Variants in MTSS1 observed in about 807,000 individuals in gnomAD.
The protein encoded by MTSS1 is protein MTSS 1.
MTSS1 carries 18 observed loss-of-function variants against 79.0 expected under a neutral mutation model. That is an observed-to-expected ratio of 0.23 (90% CI 0.16 to 0.34). The LOEUF is 0.34. Ranked by LOEUF, MTSS1 falls within the 10% of genes least tolerant of loss-of-function variation. The pLI, the probability that MTSS1 is intolerant of heterozygous loss-of-function variation, is 1.00. For synonymous variants in MTSS1, 341 were observed against 368.6 expected (o/e 0.93, Z 0.86); for missense variants, 815 against 986.2 (o/e 0.83, Z 2.33).
chr8:124,618,138 A>G (rs1812770952), intron 3 of MTSS1, among the ~76,000 whole-genome samples: 1 of 152,164 alleles, frequency 6.6e-6, no homozygotes, highest in Admixed American at 6.5e-5. Flanking sequence ...CACACAGCTA[A>G]CATGCAAGGG....
In MTSS1 at chr8:124,657,428, G is replaced by GT. The variant is rs1475303812; in HGVS notation, c.208+42097dup. 3.4e-5 allele frequency among the ~76,000 whole-genome samples: 5 copies of GT among 147,636 alleles called. No individual in the cohort carries two copies. The East Asian group carries it at 6.0e-4, about 18-fold the overall frequency. ...GAAGCCACAAAACATGGAATGGAAA[G>GT]TTTTTTCCTTTTTTCTCAACACATG... On this transcript the variant is annotated intron_variant, in intron 3 of 13. Coordinates refer to ENST00000518547, the MANE Select transcript of MTSS1 (RefSeq NM_014751.6).
chr8:124,632,198 G>A (rs770885345), intron 3 of MTSS1, among the ~76,000 whole-genome samples: 7 of 147,716 alleles, frequency 4.7e-5, no homozygotes, highest in African/African-American at 7.6e-5. Flanking sequence ...AGGATCCCTT[G>A]AGCTTAGGAG....
At chr8:124,602,060 G>A (rs1322058294) in intron 3 of MTSS1, among the ~76,000 whole-genome samples, 1 of 151,332 alleles carries the variant, frequency 6.6e-6, no homozygotes, top group Non-Finnish European at 1.5e-5. Flanking sequence ...TTTCGACCAG[G>A]TGTGTCCAAT....
chr8:124,583,763 C>T (rs1178110531), intron 6 of MTSS1, among the ~76,000 whole-genome samples: 1 of 152,192 alleles, frequency 6.6e-6, no homozygotes, highest in Non-Finnish European at 1.5e-5. Flanking sequence ...ATGTGGAGTT[C>T]AGCCCCGAAC....
At chr8:124,605,162 T>C (rs1834576368) in intron 3 of MTSS1, among the ~76,000 whole-genome samples, 1 of 152,178 alleles carries the variant, frequency 6.6e-6, no homozygotes, top group African/African-American at 2.4e-5. Flanking sequence ...CTCCCCGACA[T>C]CTGCCACCAT....
intron 3 of MTSS1, among the ~76,000 whole-genome samples, chr8:124,682,956 TTG>T (rs1276685704): frequency 1.3e-5 from 2 of 152,208 alleles, no homozygotes; most frequent in African/African-American, 4.8e-5. Context: ...CATAACCATT[TTG>T]TCTTGCTTTT....
intron 3 of MTSS1, among the ~76,000 whole-genome samples, chr8:124,696,330 T>A (rs1828816012): frequency 6.6e-6 from 1 of 152,194 alleles, no homozygotes; most frequent in African/African-American, 2.4e-5. Flanking sequence ...TCCTATTTTT[T>A]AAATTTTTAA....
chr8:124,609,423 T>C (rs1587244565), intron 3 of MTSS1, among the ~76,000 whole-genome samples: 1 of 151,394 alleles, frequency 6.6e-6, no homozygotes, highest in Non-Finnish European at 1.5e-5. Flanking sequence ...TCAGAAAGAG[T>C]CCCTCGGTTC....
At chr8:124,625,638 GC>G (rs1814513548) in intron 3 of MTSS1, among the ~76,000 whole-genome samples, 1 of 152,188 alleles carries the variant, frequency 6.6e-6, no homozygotes, top group African/African-American at 2.4e-5. Context: ...GAGAGAGAAG[GC>G]CAGTTAAGGC....
chr8:124,720,028 A>G (rs1832681673), intron 1 of MTSS1, among the ~76,000 whole-genome samples: 1 of 152,250 alleles, frequency 6.6e-6, no homozygotes, highest in Non-Finnish European at 1.5e-5. Context: ...TATAATCAAT[A>G]CTAGGTAGAA....
intron 3 of MTSS1, among the ~76,000 whole-genome samples, chr8:124,626,311 C>A (rs1448239709): frequency 6.6e-6 from 1 of 152,150 alleles, no homozygotes; most frequent in Admixed American, 6.5e-5. Flanking sequence ...CAGTCCACCA[C>A]CAGCTTTTCT....
At chr8:124,717,490 G>A (rs973236523) in intron 1 of MTSS1, among the ~76,000 whole-genome samples, 1 of 150,580 alleles carries the variant, frequency 6.6e-6, no homozygotes, top group Non-Finnish European at 1.5e-5. Flanking sequence ...AGATACTCGG[G>A]AGGCTGAGGC....
intron 3 of MTSS1, among the ~76,000 whole-genome samples, chr8:124,624,129 C>T (rs954237674): frequency 1.3e-5 from 2 of 152,214 alleles, no homozygotes; most frequent in African/African-American, 2.4e-5. Flanking sequence ...ATTTCACTCA[C>T]GCTCCTATTT....
intron 3 of MTSS1, among the ~76,000 whole-genome samples, chr8:124,639,240 C>T (rs940763321): frequency 1.3e-5 from 2 of 152,020 alleles, no homozygotes; most frequent in Non-Finnish European, 2.9e-5. Flanking sequence ...CGGGAGGCTG[C>T]GGCAGGAGAA....
chr8:124,627,919 C>CT, intron 3 of MTSS1, among the ~76,000 whole-genome samples: 1 of 152,212 alleles, frequency 6.6e-6, no homozygotes, highest in African/African-American at 2.4e-5. Flanking sequence ...GTAATCCCAA[C>CT]ACTTTGGGAG....
chr8:124,650,796 G>A (rs1819825897), intron 3 of MTSS1, among the ~76,000 whole-genome samples: 1 of 152,164 alleles, frequency 6.6e-6, no homozygotes, highest in South Asian at 2.1e-4. Context: ...CACTGCTCCA[G>A]AGCCATCCCC....
intron 3 of MTSS1, among the ~76,000 whole-genome samples, chr8:124,600,560 A>G (rs1240667860): frequency 6.6e-6 from 1 of 152,224 alleles, no homozygotes; most frequent in East Asian, 1.9e-4. Flanking sequence ...CAGTGCTCCC[A>G]TTAGGCAGAG....
At chr8:124,661,559 G>A (rs1325730269) in intron 3 of MTSS1, among the ~76,000 whole-genome samples, 1 of 152,230 alleles carries the variant, frequency 6.6e-6, no homozygotes, top group African/African-American at 2.4e-5. Flanking sequence ...ACAGGCCACA[G>A]GGTCAGGTAG....
chr8:124,672,558 C>T (rs2134693485), intron 3 of MTSS1, among the ~76,000 whole-genome samples: 2 of 152,038 alleles, frequency 1.3e-5, no homozygotes, highest in Middle Eastern at 6.8e-3. Context: ...GTAATCCCAG[C>T]ACTCTGAGAG....
Sources: allele counts gnomAD v4.1 joint callset (sites outside exome capture counted in the v4.1 genomes callset), GRCh38; gene constraint gnomAD v4.1.1; transcripts MANE v1.5; gene names NCBI Gene and HGNC (gene_info 2026-07-23, HGNC 2026-07-21).